The following DDX31 variants were observed in gnomAD, a reference collection of about 807,000 sequenced individuals.
DDX31 encodes DEAD-box helicase 31.
A neutral mutation model predicts 91.3 loss-of-function variants in DDX31; 70 were observed. The ratio of observed to expected loss-of-function variants is 0.77; its 90% CI spans 0.63 to 0.94. The LOEUF (loss-of-function observed/expected upper bound fraction) is 0.94. DDX31 is among the 40% of genes least tolerant of loss of function. DDX31 has a pLI of 0.00. For synonymous variants in DDX31, 362 were observed against 350.6 expected, an observed-to-expected ratio of 1.03 and a Z score of -0.36; for missense variants, 902 against 925.0, an observed-to-expected ratio of 0.98 and a Z score of 0.32.
At chr9:132,664,657 C>T (rs959849684) in intron 1 of DDX31, among the ~76,000 whole-genome samples, 8 of 141,722 alleles carry the variant, frequency 5.6e-5, no homozygotes, top group South Asian at 4.8e-4. Context: ...TGGATTGAGT[C>T]GTGATGACGC....
intron 1 of DDX31, among the ~76,000 whole-genome samples, chr9:132,665,206 G>A (rs114394537): frequency 1.3e-5 from 2 of 152,138 alleles, no homozygotes; most frequent in Non-Finnish European, 2.9e-5. Flanking sequence ...ACAAATACTT[G>A]TAAGATGAAT....
At chr9:132,656,424 C>A (rs559047426) in intron 6 of DDX31, among the ~76,000 whole-genome samples, 2 of 152,200 alleles carry the variant, frequency 1.3e-5, no homozygotes, top group Middle Eastern at 3.4e-3. Context: ...AAATCACTGC[C>A]CCTCCAACTA....
chr9:132,646,840 T>C lies in DDX31; in HGVS notation c.1186A>G (p.Ile396Val). ...KLRLVCLAAF[I>V]LQKCKFEEDQ... ...AGTCCCACCTTGCATTTCTGAAGGA[T>C]GAAGGCCGCTAGGCAGACAAGCCTC... Residue 396 changes from isoleucine to valine, a missense_variant, in exon 12 of 20, where the codon ATC becomes GTC. Transcript: ENST00000372159. 2 of 1,613,982 alleles carry C rather than the reference T, an allele frequency of 1.2e-6. No individual in the cohort carries two copies. Among genetic ancestry groups the C allele is most frequent in the Non-Finnish European group, 1.7e-6 (2 of 1,179,940 alleles).
intron 6 of DDX31, 58 bp from the exon 7 acceptor site, chr9:132,652,550 C>T (rs552630724): frequency 1.7e-5 from 28 of 1,605,514 alleles, no homozygotes; most frequent in African/African-American, 9.4e-5. Flanking sequence ...AGACTCCAAA[C>T]GGACAGGACA....
At chr9:132,666,712 G>T (rs787473) in intron 1 of DDX31, among the ~76,000 whole-genome samples, 23 of 140,086 alleles carry the variant, frequency 1.6e-4, no homozygotes, top group African/African-American at 3.9e-4. Flanking sequence ...TTTTGTTTTT[G>T]TTTTTTTTTT....
chr9:132,613,411 C>T (rs56376699), intron 18 of DDX31, among the ~76,000 whole-genome samples: 27,693 of 152,160 alleles, frequency 0.18, 3,237 homozygotes, highest in East Asian at 0.42. Context: ...TTAAGAAGAG[C>T]GGCCGGGCGC....
At chr9:132,599,963 T>C (rs1589955950) in intron 19 of DDX31, among the ~76,000 whole-genome samples, 1 of 152,236 alleles carries the variant, frequency 6.6e-6, no homozygotes, top group Admixed American at 6.5e-5. Context: ...CCTGACTCTA[T>C]GGAGGACAAA....
intron 4 of DDX31, 116 bp from the exon 5 acceptor site, chr9:132,659,896 T>C: frequency 1.1e-6 from 1 of 878,558 alleles, no homozygotes; most frequent in South Asian, 1.5e-5. Flanking sequence ...ACTGCCTCCT[T>C]AGAAGCTATC....
At chr9:132,621,339 C>T (rs1832019596) in intron 17 of DDX31, among the ~76,000 whole-genome samples, 1 of 152,204 alleles carries the variant, frequency 6.6e-6, no homozygotes, top group African/African-American at 2.4e-5. Context: ...GTTTTACCCC[C>T]ATGGTCCCTA....
At chr9:132,635,045 C>G (rs1038001745) in intron 14 of DDX31, among the ~76,000 whole-genome samples, 1 of 152,092 alleles carries the variant, frequency 6.6e-6, no homozygotes, top group African/African-American at 2.4e-5. Context: ...CTGAGGACAT[C>G]GGACAACTGG....
At chr9:132,640,539 C>T (rs1341165706) in intron 14 of DDX31, among the ~76,000 whole-genome samples, 1 of 152,156 alleles carries the variant, frequency 6.6e-6, no homozygotes, top group Non-Finnish European at 1.5e-5. Flanking sequence ...CTTTGTTGCT[C>T]AGGCTGGAAT....
At chr9:132,662,756 C>A in intron 1 of DDX31, 61 bp from the exon 2 acceptor site, 1 of 1,602,488 alleles carries the variant, frequency 6.2e-7, no homozygotes, top group South Asian at 1.1e-5. Flanking sequence ...AAACAGAGCT[C>A]GGAGTGAAGC....
intron 6 of DDX31, among the ~76,000 whole-genome samples, chr9:132,657,520 T>C (rs1834645299): frequency 6.6e-6 from 1 of 152,252 alleles, no homozygotes. Context: ...ATTTATTCAA[T>C]AATTTATTTG....
chr9:132,637,881 T>C (rs1833224335), intron 14 of DDX31: 1 of 988,296 alleles, frequency 1.0e-6, no homozygotes. Flanking sequence ...AAGTCTACAT[T>C]TATTTGGGAC....
chr9:132,659,462 G>A (rs775361641), intron 5 of DDX31, among the ~76,000 whole-genome samples: 2 of 152,282 alleles, frequency 1.3e-5, no homozygotes, highest in African/African-American at 2.4e-5. Context: ...GTAAAGCCCC[G>A]AAATAGGCTC....
At chr9:132,650,372 T>A in intron 8 of DDX31, 74 bp from the exon 9 acceptor site, 1 of 1,439,950 alleles carries the variant, frequency 6.9e-7, no homozygotes, top group South Asian at 1.2e-5. Flanking sequence ...CCAAATTCCC[T>A]TTCCTTAAAC....
intron 18 of DDX31, among the ~76,000 whole-genome samples, chr9:132,615,210 A>T (rs1209251144): frequency 6.6e-6 from 1 of 152,188 alleles, no homozygotes; most frequent in Non-Finnish European, 1.5e-5. Context: ...CAAGTATCTC[A>T]CATGGACACA....
chr9:132,662,295 G>C lies in DDX31; in HGVS notation c.374C>G (p.Ala125Gly). ...GTGGAGGCCCAGCTCATGAAAAGCA[G>C]CTGAAGTAAACACTTTTTCTTGCAC... ...KQVQEKVFTS[A>G]AFHELGLHPH... Residue 125 changes from alanine (A) to glycine (G), a missense_variant, in exon 3 of 20, where the codon GCT becomes GGT. Ala to Gly is a moderately conservative substitution (Grantham distance 60). Coordinates refer to ENST00000372159, the MANE Select transcript of DDX31 (RefSeq NM_022779.9). The C allele has an allele frequency of 6.2e-7, 1 of 1,614,208 alleles. No homozygotes were observed. The highest frequency in any genetic ancestry group is 1.1e-5 in the South Asian group (1 of 91,086).
At chr9:132,638,237 GC>G (rs1833248216) in intron 14 of DDX31, 1 of 1,581,694 alleles carries the variant, frequency 6.3e-7, no homozygotes, top group Admixed American at 1.7e-5. Context: ...CCTAATGTCA[GC>G]CTTAAAATCA....
Sources: gnomAD v4.1 joint callset for allele counts (sites outside exome capture counted in the v4.1 genomes callset) on GRCh38, gnomAD v4.1.1 for gene constraint, MANE v1.5 for transcripts, NCBI Gene and HGNC (gene_info 2026-07-23, HGNC 2026-07-21) for gene names.